Variants in ERBIN observed in about 807,000 individuals in gnomAD.
ERBIN encodes densin-180-like protein.
A neutral mutation model predicts 158.4 loss-of-function variants in ERBIN; 60 were observed. The ratio of observed to expected loss-of-function variants is 0.38; its 90% CI spans 0.31 to 0.47. ERBIN has a LOEUF of 0.47. Ranked by LOEUF, ERBIN falls within the 20% of genes least tolerant of loss-of-function variation. ERBIN has a pLI of 0.99. For synonymous variants in ERBIN, 594 were observed against 557.2 expected, an observed-to-expected ratio of 1.07 and a Z score of -0.93; for missense variants, 1,610 against 1,648.0, an observed-to-expected ratio of 0.98 and a Z score of 0.40.
Position 66,046,374 on chromosome 5 carries a change from G to C in ERBIN, c.1624G>C (p.Val542Leu). Residue 542 changes from valine (V) to leucine (L), a missense_variant, in exon 18 of 26, where the codon GTA becomes CTA. Physicochemically the swap from Val to Leu is conservative, Grantham distance 32 (BLOSUM62 1). Transcript: ENST00000284037. ...GVKTSESTTT[V>L]KSKVDEREKY... ...TTAGACCTCAGAAAGTACTACTACA[G>C]TAAAAAGCAAAGTTGATGAAAGAGA... The C allele has an allele frequency of 6.3e-7, 1 of 1,590,310 alleles. No individual in the cohort carries two copies. The highest frequency in any genetic ancestry group is 8.6e-7 in the Non-Finnish European group (1 of 1,165,746).
At chr5:66,001,888 C>A (rs938997507) in intron 4 of ERBIN, among the ~76,000 whole-genome samples, 1 of 152,050 alleles carries the variant, frequency 6.6e-6, no homozygotes, top group African/African-American at 2.4e-5. Flanking sequence ...TGGTGGTTTG[C>A]TGCACCTATC....
At chr5:65,948,469 C>T (rs746803541) in intron 1 of ERBIN, among the ~76,000 whole-genome samples, 2 of 151,968 alleles carry the variant, frequency 1.3e-5, no homozygotes, top group Non-Finnish European at 2.9e-5. Context: ...TGAGCGACTG[C>T]ATCCAGCTGG....
At chr5:66,028,805 C>T (rs180765896) in intron 14 of ERBIN, among the ~76,000 whole-genome samples, 1 of 152,212 alleles carries the variant, frequency 6.6e-6, no homozygotes, top group East Asian at 1.9e-4. Context: ...TGTTCCAGCC[C>T]ACCCCGCCAG....
At chr5:65,971,011 T>G (rs1749184270) in intron 1 of ERBIN, among the ~76,000 whole-genome samples, 1 of 152,248 alleles carries the variant, frequency 6.6e-6, no homozygotes, top group Non-Finnish European at 1.5e-5. Flanking sequence ...TATTTGTATT[T>G]GTTGTATTTA....
chr5:66,026,040 T>C (rs767851757), intron 12 of ERBIN, 63 bp downstream of exon 12: 180 of 1,351,356 alleles, frequency 1.3e-4, no homozygotes, highest in Non-Finnish European at 1.7e-4. Context: ...ATCTTCATTA[T>C]AGCTATTTAG....
At chr5:65,954,738 C>A (rs1010787544) in intron 1 of ERBIN, among the ~76,000 whole-genome samples, 1 of 150,528 alleles carries the variant, frequency 6.6e-6, no homozygotes, top group Admixed American at 6.6e-5. Context: ...TATCTTTGCT[C>A]AAAGAATGAG....
At chr5:65,990,711 G>A (rs1189753151) in intron 2 of ERBIN, among the ~76,000 whole-genome samples, 1 of 151,862 alleles carries the variant, frequency 6.6e-6, no homozygotes, top group South Asian at 2.1e-4. Flanking sequence ...TTTATCTAAA[G>A]AACTTAGCAC....
At chr5:66,068,692 A>G (rs183475910) in intron 21 of ERBIN, among the ~76,000 whole-genome samples, 322 of 152,308 alleles carry the variant, frequency 2.1e-3, no homozygotes, top group Non-Finnish European at 3.0e-3. Context: ...TAATTTGTGT[A>G]TATGTATATG....
At chr5:66,019,930 A>C (rs895629357) in intron 7 of ERBIN, among the ~76,000 whole-genome samples, 1 of 151,990 alleles carries the variant, frequency 6.6e-6, no homozygotes, top group Non-Finnish European at 1.5e-5. Flanking sequence ...CTTTTTGCAA[A>C]TCTCCACCTG....
intron 4 of ERBIN, among the ~76,000 whole-genome samples, chr5:66,004,510 T>C (rs1753374464): frequency 6.6e-6 from 1 of 152,150 alleles, no homozygotes; most frequent in Non-Finnish European, 1.5e-5. Flanking sequence ...GCAATTCTTG[T>C]ACCTCAGCCT....
At chr5:66,018,532 T>TAATATATAA (rs1270709473) in intron 7 of ERBIN, among the ~76,000 whole-genome samples, 1 of 4,892 alleles carries the variant, frequency 2.0e-4, no homozygotes, top group Non-Finnish European at 4.2e-4. Context: ...ATATATTATA[T>TAATATATAA]TATATAATAT....
At chr5:65,938,880 C>T (rs1202442300) in intron 1 of ERBIN, among the ~76,000 whole-genome samples, 1 of 151,992 alleles carries the variant, frequency 6.6e-6, no homozygotes, top group Non-Finnish European at 1.5e-5. Flanking sequence ...AGAAATTGGT[C>T]CCTGCTACTA....
In ERBIN at chr5:66,013,649, G is replaced by A. The variant is rs1294132138; in HGVS notation, c.476+11G>A. On this transcript the variant is annotated intron_variant, in intron 6 of 25. Transcript: ENST00000284037. ...AGCAAATTTTGGCAGGTAAATTATG[G>A]TTTCTTCTAAAACGTTTTATTATTA... 6.3e-7 allele frequency: 1 copy of A among 1,585,254 alleles called. No homozygotes were observed. The highest frequency in any genetic ancestry group is 8.7e-7 in the Non-Finnish European group (1 of 1,154,124).
chr5:65,935,436 T>A (rs6883013), intron 1 of ERBIN, among the ~76,000 whole-genome samples: 2,576 of 152,292 alleles, frequency 0.017, 73 homozygotes, highest in African/African-American at 0.059. Context: ...TGTGAGGAAG[T>A]TAAGGTAAAC....
At chr5:66,074,909 G>T in intron 22 of ERBIN, 115 bp from the exon 23 acceptor site, 1 of 833,564 alleles carries the variant, frequency 1.2e-6, no homozygotes, top group South Asian at 1.8e-5. Context: ...GGTATTGTTT[G>T]ACTTAATTAG....
At chr5:65,977,912 C>T (rs1750181647) in intron 1 of ERBIN, among the ~76,000 whole-genome samples, 1 of 144,836 alleles carries the variant, frequency 6.9e-6, no homozygotes, top group Non-Finnish European at 1.5e-5. Flanking sequence ...CCCGGCACCT[C>T]AGGAGGCCGA....
intron 4 of ERBIN, among the ~76,000 whole-genome samples, chr5:66,011,075 T>A (rs1754146393): frequency 6.6e-6 from 1 of 152,228 alleles, no homozygotes; most frequent in South Asian, 2.1e-4. Context: ...AAAGCTGAAA[T>A]GTCTAATAGA....
intron 1 of ERBIN, among the ~76,000 whole-genome samples, chr5:65,965,379 G>GTTTTTTTTTTTT (rs1561304820): frequency 1.1e-4 from 11 of 103,642 alleles, no homozygotes; most frequent in East Asian, 4.8e-4. Flanking sequence ...TTTGTTTTTT[G>GTTTTTTTTTTTT]TTGTTTTTTT....
intron 21 of ERBIN, among the ~76,000 whole-genome samples, chr5:66,064,175 T>C (rs1355666228): frequency 6.6e-6 from 1 of 152,178 alleles, no homozygotes; most frequent in Non-Finnish European, 1.5e-5. Flanking sequence ...ACAGTGCTTT[T>C]TGAAAAACTT....
Sources: allele counts gnomAD v4.1 joint callset (sites outside exome capture counted in the v4.1 genomes callset), GRCh38; gene constraint gnomAD v4.1.1; transcripts MANE v1.5; gene names NCBI Gene and HGNC (gene_info 2026-07-23, HGNC 2026-07-21).